The following MPV17 variants were observed in gnomAD, a reference collection of about 807,000 sequenced individuals.
The protein encoded by MPV17 is MPV17, mitochondrial inner membrane protein.
Under a neutral mutation model 28.6 loss-of-function variants are expected in MPV17, and 31 were observed. That is an observed-to-expected ratio of 1.08 (90% CI 0.81 to 1.46). The LOEUF (loss-of-function observed/expected upper bound fraction) is 1.46, where lower values mean the gene tolerates loss of function less well. Among genes scored for constraint, MPV17 ranks in the 40% most tolerant of loss-of-function variants. MPV17 has a pLI of 0.00. For missense variants in MPV17, 198 were observed against 216.2 expected (o/e 0.92, Z 0.53); for synonymous variants, 87 against 85.3 (o/e 1.02, Z -0.11).
At chr2:27,319,736 C>A (rs2148222696) in intron 2 of MPV17, among the ~76,000 whole-genome samples, 1 of 150,894 alleles carries the variant, frequency 6.6e-6, no homozygotes, top group South Asian at 2.1e-4. Flanking sequence ...ACTAGCCTGG[C>A]CAACATGGAG....
At chr2:27,318,825 C>T (rs905560371) in intron 2 of MPV17, among the ~76,000 whole-genome samples, 2 of 151,844 alleles carry the variant, frequency 1.3e-5, no homozygotes, top group African/African-American at 2.4e-5. Context: ...AGTGCTGTAG[C>T]GCAATCTCAG....
chr2:27,311,435 C>T, intron 7 of MPV17: 1 of 728,110 alleles, frequency 1.4e-6, no homozygotes, highest in Middle Eastern at 3.9e-4. Flanking sequence ...CATATTTTCC[C>T]CTGTTCCCAC....
intron 2 of MPV17, chr2:27,313,360 G>A: frequency 2.7e-6 from 2 of 732,484 alleles, no homozygotes; most frequent in Non-Finnish European, 4.4e-6. Context: ...GCATTGAGCA[G>A]TAAAGGGAAG....
rs899993320 is a variant in MPV17, at chr2:27,318,034, G to A, written c.70+4414C>T. ...ACTATGCATGTGTGAACTAGTAGCG[G>A]AGCGGAGTTATCCCATGAGGTCAAT... On this transcript the variant is annotated intron_variant, in intron 2 of 7. Coordinates refer to ENST00000380044, the MANE Select transcript of MPV17 (RefSeq NM_002437.5). Among the ~76,000 whole-genome samples the A allele has an allele frequency of 3.3e-5, 5 of 152,080 alleles. No homozygotes were observed. The East Asian group carries it at 9.6e-4, about 29-fold the overall frequency.
At chr2:27,311,198 C>T (rs1434136970) in intron 7 of MPV17, 5 of 175,244 alleles carry the variant, frequency 2.9e-5, no homozygotes, top group East Asian at 1.7e-4. Context: ...GCTGGGACTA[C>T]GGGCACATGT....
At chr2:27,311,412 C>T (rs1403427038) in intron 7 of MPV17, 2 of 655,854 alleles carry the variant, frequency 3.0e-6, no homozygotes. Flanking sequence ...GCCCTGTTCC[C>T]TCTGAAGCGT....
rs188447375 is a variant in MPV17 at position 27,320,400 on chromosome 2, A to T, written c.70+2048T>A. ...TGCCCAGGCTGGAGTGCAATGGCAC[A>T]ATCTTGGCTCACCGCAACCTCTGCC... On this transcript the variant is annotated intron_variant, in intron 2 of 7. Coordinates refer to ENST00000380044, the MANE Select transcript of MPV17 (RefSeq NM_002437.5). Among the ~76,000 whole-genome samples, 79 of 151,014 alleles carry T rather than the reference A, an allele frequency of 5.2e-4. 2 individuals are homozygous for T. The East Asian group carries it at 0.013, about 25-fold the overall frequency.
chr2:27,313,288 G>C, intron 2 of MPV17, 179 bp from the exon 3 acceptor site: 2 of 1,385,676 alleles, frequency 1.4e-6, no homozygotes, highest in Non-Finnish European at 2.0e-6. Flanking sequence ...CCCCAATGAT[G>C]GTGACACCTC....
chr2:27,320,452 T>C (rs1164180423), intron 2 of MPV17, among the ~76,000 whole-genome samples: 2 of 151,632 alleles, frequency 1.3e-5, no homozygotes, highest in Non-Finnish European at 2.9e-5. Context: ...TTCTCCTGCC[T>C]CAGCCTCCCA....
chr2:27,312,373 T>C lies in MPV17; in HGVS notation c.375+121A>G, dbSNP rs542512563. The C allele has an allele frequency of 5.7e-6, 8 of 1,414,370 alleles. No individual in the cohort carries two copies. In the South Asian group the frequency reaches 9.2e-5, roughly 16 times the overall value. 87.6% of individuals were successfully genotyped at this position (1,414,370 alleles called of 1,614,324 possible). A position where few individuals can be genotyped will look rare whatever the true frequency, so the allele number is the denominator to read the frequency against. On this transcript the variant is annotated intron_variant, in intron 5 of 7. Transcript: ENST00000380044. ...CCTGCACCATAACCCTCAGCTCCTC[T>C]CCTCCATGGCCTGGGGCCCTACCTG...
At position 27,318,069 on chromosome 2, in the gene MPV17, CTTTTTTTTTT is replaced by C. The variant is rs746744519; in HGVS notation, c.70+4369_70+4378del. 1.2e-3 allele frequency among the ~76,000 whole-genome samples: 164 copies of C among 137,434 alleles called. 2 individuals are homozygous for C. In the East Asian group the frequency reaches 0.027, roughly 23 times the overall value. 90.2% of individuals were successfully genotyped at this position (137,434 alleles called of 152,430 possible). A position where few individuals can be genotyped will look rare whatever the true frequency, so the allele number is the denominator to read the frequency against. On this transcript the variant is annotated intron_variant, in intron 2 of 7. Transcript: ENST00000380044. ...ATCCCATGAGGTCAATCTTTCTTTT[CTTTTTTTTTT>C]TTTTTTTGAGACAGAGTCTTGCTTT...
At chr2:27,310,018 G>C in intron 7 of MPV17, 37 bp from the exon 8 acceptor site, 21 of 1,521,358 alleles carry the variant, frequency 1.4e-5, no homozygotes, top group Non-Finnish European at 1.9e-5. Context: ...GAGGAGGAAG[G>C]CTAAGCAGTG....
rs1679685252 is a variant in MPV17 at position 27,317,106 on chromosome 2, A to T, written c.71-3997T>A. On this transcript the variant is annotated intron_variant, in intron 2 of 7. Transcript: ENST00000380044. This position sits in a 1 kb window ranked among gnomAD's most constrained non-coding sequence, Gnocchi z 4.0. The stretch of plus-strand genomic sequence containing the variant: ...TGTGGCTTTTGAGTTTCATGCGCAG[A>T]AGGCAGAGGGGCAAGAAGTGGCTTC... 4 of 1,549,202 alleles carry T rather than the reference A, an allele frequency of 2.6e-6. No homozygotes were observed. The East Asian group carries it at 9.8e-5, about 38-fold the overall frequency.
At position 27,309,632 on chromosome 2, in the gene MPV17, T is replaced by G. The variant is rs1679350092; in HGVS notation, c.*280A>C. The G allele has an allele frequency of 3.4e-6, 2 of 593,656 alleles. No individual in the cohort carries two copies. The highest frequency in any genetic ancestry group is 2.0e-5 in the South Asian group (1 of 49,674). 36.8% of individuals were successfully genotyped at this position (593,656 alleles called of 1,614,324 possible). ...CTATGAAGAGTGGGGATGAGTGGCA[T>G]TTGCTGGGATATGGGTGTAAAGTTG... On this transcript the variant is annotated 3_prime_UTR_variant, in exon 8 of 8. Transcript: ENST00000380044.
At chr2:27,314,869 C>G (rs972603818) in intron 2 of MPV17, among the ~76,000 whole-genome samples, 1 of 152,230 alleles carries the variant, frequency 6.6e-6, no homozygotes, top group Non-Finnish European at 1.5e-5. Context: ...CTCACTGTTG[C>G]GTTCTTCCTC....
At position 27,316,669 on chromosome 2, in the gene MPV17, A is replaced by G. The variant is rs551589553; in HGVS notation, c.71-3560T>C. 5 of 209,774 alleles carry G rather than the reference A, an allele frequency of 2.4e-5. No homozygotes were observed. The South Asian group carries it at 5.4e-4, about 23-fold the overall frequency. The allele number at this position is 209,774 out of a possible 1,614,324, so 13.0% of individuals were successfully genotyped here. A position where few individuals can be genotyped will look rare whatever the true frequency, so the allele number is the denominator to read the frequency against. On this transcript the variant is annotated intron_variant, in intron 2 of 7. Coordinates refer to ENST00000380044, the MANE Select transcript of MPV17 (RefSeq NM_002437.5). Reference sequence around the variant, plus strand: ...CCCAAACCACCCCAGCCTCTGGGAGATCTCCTGGATATATTTGGTTGGTCT... The same window carrying G: ...CCCAAACCACCCCAGCCTCTGGGAGGTCTCCTGGATATATTTGGTTGGTCT...
At chr2:27,312,165 C>G (rs1679468276) in intron 6 of MPV17, 49 bp downstream of exon 6, 1 of 1,599,924 alleles carries the variant, frequency 6.3e-7, no homozygotes, top group Non-Finnish European at 8.6e-7. Context: ...CAGGACAGTT[C>G]TAGACTTAAG....
In MPV17 at chr2:27,311,884, A is replaced by AG; in HGVS notation, c.461+14dup. On this transcript the variant is annotated intron_variant, in intron 7 of 7. Transcript: ENST00000380044. ...GTGGGTCTTCCTTGATGGGTGGGGTAGGGGTGCAACATACCTGTAATGAAG... is the reference window on the plus strand; with the variant it reads ...GTGGGTCTTCCTTGATGGGTGGGGTAGGGGGTGCAACATACCTGTAATGAAG... 2 of 1,613,150 alleles carry AG rather than the reference A, an allele frequency of 1.2e-6. No homozygotes were observed. Among genetic ancestry groups the AG allele is most frequent in the Non-Finnish European group, 1.7e-6 (2 of 1,179,552 alleles).
chr2:27,314,337 A>T (rs1003590113), intron 2 of MPV17, among the ~76,000 whole-genome samples: 8 of 152,108 alleles, frequency 5.3e-5, no homozygotes, highest in Non-Finnish European at 1.2e-4. Context: ...AGAAAAAAAA[A>T]GTAATAAAAC....
Sources: gnomAD v4.1 joint callset for allele counts (sites outside exome capture counted in the v4.1 genomes callset) on GRCh38, gnomAD v4.1.1 for gene constraint, Gnocchi (gnomAD v3.1) non-coding constraint, MANE v1.5 for transcripts, NCBI Gene and HGNC (gene_info 2026-07-23, HGNC 2026-07-21) for gene names.